Variants in GPC3 observed in about 807,000 individuals in gnomAD.
GPC3 encodes glypican-3.
GPC3 carries 3 observed loss-of-function variants against 34.4 expected under a neutral mutation model. The observed-to-expected ratio is 0.09, with a 90% CI of 0.04 to 0.23. The LOEUF is 0.23. Ranked by LOEUF, GPC3 falls within the 10% of genes least tolerant of loss-of-function variation. The pLI is 1.00. For synonymous variants in GPC3, 177 were observed against 174.0 expected (o/e 1.02, Z -0.13); for missense variants, 351 against 445.6 (o/e 0.79, Z 1.91).
At chrX:133,597,154 G>A (rs549843932) in intron 6 of GPC3, among the ~76,000 whole-genome samples, 2 of 111,505 alleles carry the variant, frequency 1.8e-5, no homozygotes, top group African/African-American at 3.3e-5. Context: ...CTCCTCTCCC[G>A]CAATTCCAAT....
At chrX:133,730,821 G>A (rs1012183649) in intron 3 of GPC3, among the ~76,000 whole-genome samples, 4 of 111,542 alleles carry the variant, frequency 3.6e-5, no homozygotes, top group Non-Finnish European at 7.5e-5. Context: ...AGGTATGGCA[G>A]AAAGAATACT....
intron 1 of GPC3, among the ~76,000 whole-genome samples, chrX:133,969,300 C>T (rs745957165): frequency 5.4e-5 from 6 of 111,507 alleles, no homozygotes; most frequent in Non-Finnish European, 7.5e-5. Context: ...AACCACCCTG[C>T]TTACCTAAAT....
At chrX:133,590,594 CTTA>C (rs771449312) in intron 7 of GPC3, among the ~76,000 whole-genome samples, 2 of 111,984 alleles carry the variant, frequency 1.8e-5, no homozygotes, top group South Asian at 3.8e-4. Context: ...CTAAAACCTT[CTTA>C]TTATTAGGTT....
chrX:133,795,638 T>C (rs1440808513), intron 2 of GPC3, among the ~76,000 whole-genome samples: 1 of 111,953 alleles, frequency 8.9e-6, no homozygotes, highest in Non-Finnish European at 1.9e-5. Flanking sequence ...TCTAAATACC[T>C]ATGGACTCAA....
chrX:133,940,398 C>T (rs1327775023), intron 2 of GPC3, among the ~76,000 whole-genome samples: 1 of 111,781 alleles, frequency 8.9e-6, no homozygotes, highest in Non-Finnish European at 1.9e-5. Context: ...TTGAAGTTAG[C>T]AACTTAATGC....
chrX:133,650,445 CCACACACCCACCCACA>C (rs779288049), intron 6 of GPC3, among the ~76,000 whole-genome samples: 324 of 93,845 alleles, frequency 3.5e-3, no homozygotes, highest in African/African-American at 0.012. Flanking sequence ...TTAAACACAC[CCACACACCCACCCACA>C]CACACACACA....
intron 6 of GPC3, among the ~76,000 whole-genome samples, chrX:133,643,606 T>C (rs1470279692): frequency 1.8e-5 from 2 of 111,877 alleles, no homozygotes; most frequent in African/African-American, 3.2e-5. Context: ...TTATTCCACA[T>C]ACATATATAC....
chrX:133,582,055 C>T (rs2069736797), intron 7 of GPC3, among the ~76,000 whole-genome samples: 1 of 111,528 alleles, frequency 9.0e-6, no homozygotes, highest in African/African-American at 3.3e-5. Context: ...GTAAGTATTT[C>T]TATCCTGGCC....
At position 133,820,181 on chromosome X, in the gene GPC3, C is replaced by A. The variant is rs915914807; in HGVS notation, c.338-66005G>T. The stretch of plus-strand genomic sequence containing the variant: ...ACACCACATTTGTTAACACTGTCAC[C>A]ATGATAATATATGTAACTGAAGAGA... On this transcript the variant is annotated intron_variant, in intron 2 of 7. Coordinates refer to ENST00000370818, the MANE Select transcript of GPC3 (RefSeq NM_004484.4). 3.6e-5 allele frequency among the ~76,000 whole-genome samples: 4 copies of A among 111,732 alleles called. No homozygotes were observed. In the Admixed American group the frequency reaches 3.8e-4, roughly 11 times the overall value.
In GPC3 at chrX:133,787,322, T is replaced by A. The variant is rs745780447; in HGVS notation, c.338-33146A>T. ...CCCTCTCGCTCATTAGCAACAGCCA[T>A]CTAAAGGAAACAGTCCTGGATACTA... On this transcript the variant is annotated intron_variant, in intron 2 of 7. Transcript: ENST00000370818. Among the ~76,000 whole-genome samples, 16 of 112,575 alleles carry A rather than the reference T, an allele frequency of 1.4e-4. No homozygotes were observed. In the South Asian group the frequency reaches 6.0e-3, roughly 42 times the overall value.
At chrX:133,851,754 C>G (rs972707907) in intron 2 of GPC3, among the ~76,000 whole-genome samples, 1 of 111,954 alleles carries the variant, frequency 8.9e-6, no homozygotes, top group South Asian at 3.7e-4. Context: ...TGCAGGCTGG[C>G]GCGATTCTTC....
intron 2 of GPC3, among the ~76,000 whole-genome samples, chrX:133,831,150 T>C (rs1174594772): frequency 8.9e-6 from 1 of 111,734 alleles, no homozygotes; most frequent in Non-Finnish European, 1.9e-5. Flanking sequence ...GGAGTTTATT[T>C]GTGGTGATGA....
chrX:133,943,277 A>G (rs777113965), intron 2 of GPC3, among the ~76,000 whole-genome samples: 2 of 112,454 alleles, frequency 1.8e-5, no homozygotes, highest in East Asian at 5.6e-4. Flanking sequence ...AGTGAGTAAC[A>G]AGAGTATTTG....
At chrX:133,591,439 T>C (rs748795373) in intron 7 of GPC3, among the ~76,000 whole-genome samples, 2 of 111,102 alleles carry the variant, frequency 1.8e-5, no homozygotes, top group African/African-American at 3.3e-5. Context: ...TGGCAATGAG[T>C]CTCCTCTCCA....
rs751722104 is a variant in GPC3 at position 133,933,167 on chromosome X, G to C, written c.337+19883C>G. Among the ~76,000 whole-genome samples the C allele has an allele frequency of 5.4e-5, 6 of 111,133 alleles. No homozygotes were observed. The South Asian group carries it at 2.3e-3, about 43-fold the overall frequency. ...ATATATATCTACCTACCAACACTGA[G>C]TAAGGGGGCAGAGATACAGAGATGA... On this transcript the variant is annotated intron_variant, in intron 2 of 7. Transcript: ENST00000370818.
chrX:133,868,124 G>A (rs757955579), intron 2 of GPC3, among the ~76,000 whole-genome samples: 70 of 111,838 alleles, frequency 6.3e-4, no homozygotes, highest in Non-Finnish European at 6.8e-4. Context: ...AAACGCGGAA[G>A]GTCCACTGAG....
At chrX:133,656,813 C>A (rs1178346740) in intron 6 of GPC3, among the ~76,000 whole-genome samples, 1 of 111,604 alleles carries the variant, frequency 9.0e-6, no homozygotes, top group Non-Finnish European at 1.9e-5. Context: ...AGGGAACAAC[C>A]TTTGAAAAGA....
intron 2 of GPC3, among the ~76,000 whole-genome samples, chrX:133,863,053 C>T (rs1056464697): frequency 8.9e-6 from 1 of 112,863 alleles, no homozygotes; most frequent in African/African-American, 3.2e-5. Flanking sequence ...CTTGTCAGTT[C>T]TAAGAACATT....
intron 7 of GPC3, among the ~76,000 whole-genome samples, chrX:133,592,179 G>A (rs1211941226): frequency 9.1e-6 from 1 of 109,481 alleles, no homozygotes; most frequent in African/African-American, 3.3e-5. Flanking sequence ...CAACGTGCAG[G>A]TTTGTTACAT....
Sources: allele counts gnomAD v4.1 joint callset (sites outside exome capture counted in the v4.1 genomes callset), GRCh38; gene constraint gnomAD v4.1.1; transcripts MANE v1.5; gene names NCBI Gene and HGNC (gene_info 2026-07-23, HGNC 2026-07-21).